SFPQ: variants seen among roughly 807,000 people sequenced by gnomAD.
The protein encoded by SFPQ is splicing factor proline and glutamine rich.
A neutral mutation model predicts 72.9 loss-of-function variants in SFPQ; 11 were observed. That is an observed-to-expected ratio of 0.15 (90% CI 0.09 to 0.25). The LOEUF is 0.25. Among genes scored for constraint, SFPQ ranks in the 10% least tolerant of loss-of-function variants. SFPQ has a pLI of 1.00. For synonymous variants in SFPQ, 506 were observed against 367.3 expected, an observed-to-expected ratio of 1.38 and a Z score of -4.32; for missense variants, 847 against 993.3, an observed-to-expected ratio of 0.85 and a Z score of 1.98.
Position 35,182,971 on chromosome 1 carries a change from T to A in SFPQ, c.*1485A>T. 9.6e-7 allele frequency: 1 copy of A among 1,042,814 alleles called. No individual in the cohort carries two copies. Among genetic ancestry groups the A allele is most frequent in the Non-Finnish European group, 1.2e-6 (1 of 865,214 alleles). The allele number at this position is 1,042,814 out of a possible 1,614,324, so 64.6% of individuals were successfully genotyped here. ...GCCTTTATGGTGGGAGGAAGGGATA[T>A]TTGTACTGTGTAGCATGAGCAACTT... On this transcript the variant is annotated 3_prime_UTR_variant, in exon 10 of 10. Transcript: ENST00000357214.
chr1:35,179,372 T>C, downstream of SFPQ: 1 of 1,057,364 alleles, frequency 9.5e-7, no homozygotes, highest in Non-Finnish European at 1.1e-6. Context: ...ACCCATTGCA[T>C]TTCTTTCATC....
At chr1:35,181,015 TTACCA>T (rs778937551), downstream of SFPQ, 3 of 1,064,954 alleles carry the variant, frequency 2.8e-6, no homozygotes, top group East Asian at 5.0e-5. Flanking sequence ...TAAGCTAGCT[TTACCA>T]TACAAGTGTT....
At chr1:35,191,593 A>C in intron 1 of SFPQ, 64 bp from the exon 2 acceptor site, 1 of 1,306,848 alleles carries the variant, frequency 7.7e-7, no homozygotes, top group Non-Finnish European at 1.1e-6. Context: ...TCCCCAAGAT[A>C]GTATTTGCTT....
Position 35,183,150 on chromosome 1 carries a change from CAGA to C in SFPQ, c.*1303_*1305del, listed in dbSNP as rs1639541604. 2.0e-6 allele frequency: 2 copies of C among 1,025,290 alleles called. No homozygotes were observed. Among genetic ancestry groups the C allele is most frequent in the South Asian group, 4.6e-5 (1 of 21,642 alleles). 63.5% of individuals were successfully genotyped at this position (1,025,290 alleles called of 1,614,324 possible). A position where few individuals can be genotyped will look rare whatever the true frequency, so the allele number is the denominator to read the frequency against. ...TTATAGTCCTATAGATTTTGCCCAA[CAGA>C]AGTAGCACAAGGAGATGTAAAAGTT... On this transcript the variant is annotated 3_prime_UTR_variant, in exon 10 of 10. Coordinates refer to ENST00000357214, the MANE Select transcript of SFPQ (RefSeq NM_005066.3).
At position 35,187,261 on chromosome 1, in the gene SFPQ, A is replaced by G; in HGVS notation, c.1816-10T>C. 1 of 1,614,058 alleles carries G rather than the reference A, an allele frequency of 6.2e-7. No individual in the cohort carries two copies. Among genetic ancestry groups the G allele is most frequent in the Non-Finnish European group, 8.5e-7 (1 of 1,179,930 alleles). The stretch of plus-strand genomic sequence containing the variant: ...GCATGTCTCTTTCCCGCTGCAAGAA[A>G]AAAATTCCTTTCAATATACCTGCAC... On this transcript the variant is annotated splice_polypyrimidine_tract_variant and intron_variant, in intron 7 of 9. Coordinates refer to ENST00000357214, the MANE Select transcript of SFPQ (RefSeq NM_005066.3).
In SFPQ at chr1:35,192,776, G is replaced by T; in HGVS notation, c.274C>A (p.Gln92Lys). The stretch of plus-strand genomic sequence containing the variant: ...GGCGGCTGCTGCTGCTGATGCGGCT[G>T]TGGATGCGGCGGCGGCTGATGCGGT... ...PPPHQPPPHPQPHQQQQPPPP... is the reference protein window; with the variant it reads ...PPPHQPPPHPKPHQQQQPPPP... The change falls in exon 1 of 10, where the codon CAG (glutamine) becomes AAG (lysine). Residue 92 changes from glutamine (Q) to lysine (K), a missense_variant. This residue lies in a region of SFPQ where 498 missense variants were observed against 405.1 expected (regional missense o/e 1.23). Coordinates refer to ENST00000357214, the MANE Select transcript of SFPQ (RefSeq NM_005066.3). The T allele has an allele frequency of 1.3e-6, 2 of 1,503,860 alleles. No homozygotes were observed. The highest frequency in any genetic ancestry group is 1.8e-6 in the Non-Finnish European group (2 of 1,132,214). The allele number at this position is 1,503,860 out of a possible 1,614,324, so 93.2% of individuals were successfully genotyped here.
Position 35,187,197 on chromosome 1 carries a change from A to G in SFPQ, c.1864+6T>C. On this transcript the variant is annotated splice_donor_region_variant and intron_variant, in intron 8 of 9. Coordinates refer to ENST00000357214, the MANE Select transcript of SFPQ (RefSeq NM_005066.3). ...CTTATATCATTAATTTAAATTTCAC[A>G]CTTACCTCCCATGTTCATTGCTCCT... is the stretch of plus-strand genomic sequence containing the variant. 1 of 1,613,978 alleles carries G rather than the reference A, an allele frequency of 6.2e-7. No homozygotes were observed. Among genetic ancestry groups the G allele is most frequent in the African/African-American group, 1.3e-5 (1 of 74,968 alleles).
Position 35,192,432 on chromosome 1 carries a change from A to T in SFPQ, c.618T>A (p.Gly206=). The part of the protein sequence containing the change: ...PGPKQGPGPG[G]PKGGKMPGGP... The stretch of plus-strand genomic sequence containing the variant: ...CGCCAGGCATTTTGCCGCCTTTGGG[A>T]CCACCCGGACCTGGGCCCTGCTTAG... Residue 206 remains glycine (G), a synonymous_variant, in exon 1 of 10, where the codon GGT becomes GGA. Coordinates refer to ENST00000357214, the MANE Select transcript of SFPQ (RefSeq NM_005066.3). 1 of 1,421,634 alleles carries T rather than the reference A, an allele frequency of 7.0e-7. No homozygotes were observed. 88.1% of individuals were successfully genotyped at this position (1,421,634 alleles called of 1,614,324 possible).
At chr1:35,185,026 G>C (rs1639639359) in intron 9 of SFPQ, among the ~76,000 whole-genome samples, 1 of 152,200 alleles carries the variant, frequency 6.6e-6, no homozygotes, top group African/African-American at 2.4e-5. Flanking sequence ...TCAATGAAGT[G>C]ACAAAGACCT....
rs986918122 is a variant in SFPQ, at chr1:35,183,340, C to G, written c.*1116G>C. On this transcript the variant is annotated 3_prime_UTR_variant, in exon 10 of 10. Coordinates refer to ENST00000357214, the MANE Select transcript of SFPQ (RefSeq NM_005066.3). ...TCAAGCAATTCTCCTGGCTCAGCCT[C>G]CCGAGTAGCTGGGATTACAGGCGCC... 3.2e-6 allele frequency: 1 copy of G among 310,758 alleles called. No homozygotes were observed. Among genetic ancestry groups the G allele is most frequent in the Non-Finnish European group, 4.8e-6 (1 of 207,238 alleles). The allele number at this position is 310,758 out of a possible 1,614,324, so 19.3% of individuals were successfully genotyped here. A position where few individuals can be genotyped will look rare whatever the true frequency, so the allele number is the denominator to read the frequency against.
rs10908385 is a variant in SFPQ, at chr1:35,189,124, G to A, written c.1613-37C>T. On this transcript the variant is annotated intron_variant, in intron 5 of 9. Coordinates refer to ENST00000357214, the MANE Select transcript of SFPQ (RefSeq NM_005066.3). ...AAAATATTTGGATTCACATTAACAA[G>A]GTTCTAATAAGGTGAAAAACAATTG... The A allele has an allele frequency of 0.013, 20,835 of 1,612,950 alleles. 1,223 individuals are homozygous for A. The African/African-American group carries it at 0.18, about 14-fold the overall frequency.
Position 35,192,644 on chromosome 1 carries a change from G to T in SFPQ, c.406C>A (p.Pro136Thr). Reference protein sequence around the residue: ...PASSSAPPATPPTSGAPPGSG... With the variant: ...PASSSAPPATTPTSGAPPGSG... Reference sequence around the variant, plus strand: ...CCTGGCGGGGCCCCCGAGGTTGGTGGAGTGGCGGGCGGGGCCGAGCTGGAG... The same window carrying T: ...CCTGGCGGGGCCCCCGAGGTTGGTGTAGTGGCGGGCGGGGCCGAGCTGGAG... The change falls in exon 1 of 10, where the codon CCA becomes ACA. Residue 136 changes from proline (P) to threonine (T), a missense_variant. Coordinates refer to ENST00000357214, the MANE Select transcript of SFPQ (RefSeq NM_005066.3). 7.2e-7 allele frequency: 1 copy of T among 1,382,064 alleles called. No homozygotes were observed. The highest frequency in any genetic ancestry group is 1.5e-5 in the African/African-American group (1 of 65,552). The allele number at this position is 1,382,064 out of a possible 1,614,324, so 85.6% of individuals were successfully genotyped here.
At chr1:35,177,832 TCACA>T (rs765345526) in intron 4 of SFPQ, among the ~76,000 whole-genome samples, 1 of 152,200 alleles carries the variant, frequency 6.6e-6, no homozygotes, top group Non-Finnish European at 1.5e-5. Flanking sequence ...ACTTGCTTTC[TCACA>T]TACATCCCTA....
chr1:35,183,567 A>C lies in SFPQ; in HGVS notation c.*889T>G. 9.8e-7 allele frequency: 1 copy of C among 1,019,482 alleles called. No individual in the cohort carries two copies. The highest frequency in any genetic ancestry group is 1.2e-6 in the Non-Finnish European group (1 of 849,896). The allele number at this position is 1,019,482 out of a possible 1,614,324, so 63.2% of individuals were successfully genotyped here. Reference sequence around the variant, plus strand: ...AGTTTTGTTTTTTAGACTACACCCCATCTTTATAAATCACTTGAATACATG... The same window carrying C: ...AGTTTTGTTTTTTAGACTACACCCCCTCTTTATAAATCACTTGAATACATG... On this transcript the variant is annotated 3_prime_UTR_variant, in exon 10 of 10. Coordinates refer to ENST00000357214, the MANE Select transcript of SFPQ (RefSeq NM_005066.3).
downstream of SFPQ, chr1:35,179,747 A>G (rs1639390638): frequency 4.7e-6 from 5 of 1,055,798 alleles, no homozygotes; most frequent in Non-Finnish European, 5.7e-6. Context: ...CCTGAAGTCC[A>G]TATATTATAT....
chr1:35,188,912 G>A (rs1277779241), intron 6 of SFPQ, 91 bp downstream of exon 6: 8 of 963,534 alleles, frequency 8.3e-6, no homozygotes, highest in Middle Eastern at 3.1e-4. Flanking sequence ...GGTGAGCTGA[G>A]ACTGCACCAC....
downstream of SFPQ, chr1:35,179,232 T>C: frequency 1.9e-6 from 2 of 1,061,430 alleles, no homozygotes; most frequent in Non-Finnish European, 2.3e-6. Flanking sequence ...CAGCTGACAA[T>C]GATTAACAAT....
At chr1:35,187,863 A>G (rs1639800325) in intron 7 of SFPQ, 110 bp downstream of exon 7, 2 of 719,798 alleles carry the variant, frequency 2.8e-6, no homozygotes, top group East Asian at 2.5e-5. Flanking sequence ...TTTGTTAGAA[A>G]AAAAGCAGAA....
intron 1 of SFPQ, among the ~76,000 whole-genome samples, 155 bp downstream of exon 1, chr1:35,192,060 CCCGCCGA>C (rs1239550232): frequency 6.6e-6 from 1 of 151,864 alleles, no homozygotes; most frequent in Non-Finnish European, 1.5e-5. Flanking sequence ...CGGCCAATCC[CCCGCCGA>C]CCGACGGCCC....
Sources: allele counts gnomAD v4.1 joint callset (sites outside exome capture counted in the v4.1 genomes callset), GRCh38; gene constraint gnomAD v4.1.1; regional missense constraint gnomAD v4.1.1; transcripts MANE v1.5; gene names NCBI Gene and HGNC (gene_info 2026-07-23, HGNC 2026-07-21).